Variants in PFKP observed in about 807,000 individuals in gnomAD.
PFKP encodes the protein ATP-dependent 6-phosphofructokinase, platelet type.
Under a neutral mutation model 94.3 loss-of-function variants are expected in PFKP, and 101 were observed. That is an observed-to-expected ratio of 1.07 (90% CI 0.91 to 1.26). PFKP has a LOEUF of 1.26. Among genes scored for constraint, PFKP ranks in the 50% most tolerant of loss-of-function variants. The pLI, the probability that PFKP is intolerant of heterozygous loss-of-function variation, is 0.00. For missense variants in PFKP, 1,145 were observed against 1,103.3 expected (o/e 1.04, Z -0.53); for synonymous variants, 573 against 432.6 (o/e 1.32, Z -4.03).
rs552230593 is a variant in PFKP at position 3,130,385 on chromosome 10, A to T, written c.1848+402A>T. On this transcript the variant is annotated intron_variant, in intron 17 of 21. Transcript: ENST00000381125. Reference sequence around the variant, plus strand: ...TGATGCTGCGTCTGCCTCTAAACGGACACAGACATGACCGTGGTTTCTCGG... The same window carrying T: ...TGATGCTGCGTCTGCCTCTAAACGGTCACAGACATGACCGTGGTTTCTCGG... 2.0e-5 allele frequency among the ~76,000 whole-genome samples: 3 copies of T among 152,208 alleles called. No individual in the cohort carries two copies. The South Asian group carries it at 6.2e-4, about 32-fold the overall frequency.
At chr10:3,130,058 A>G in intron 17 of PFKP, 75 bp downstream of exon 17, 4 of 1,397,432 alleles carry the variant, frequency 2.9e-6, no homozygotes, top group Middle Eastern at 3.7e-4. Context: ...CATCGTGTCT[A>G]GGGTGGTTTG....
intron 2 of PFKP, among the ~76,000 whole-genome samples, chr10:3,083,182 G>A (rs1833222517): frequency 6.6e-6 from 1 of 152,170 alleles, no homozygotes; most frequent in South Asian, 2.1e-4. Flanking sequence ...TACACATTTA[G>A]GGAAATGAGG....
At chr10:3,085,030 ACGGTCCCC>A (rs1833417420) in intron 2 of PFKP, among the ~76,000 whole-genome samples, 1 of 250 alleles carries the variant, frequency 4.0e-3, no homozygotes, top group East Asian at 0.045. Context: ...CCTCCCCAGC[ACGGTCCCC>A]CACTCCCTCC....
chr10:3,079,568 CTA>C (rs1832867559), intron 1 of PFKP, among the ~76,000 whole-genome samples: 1 of 149,656 alleles, frequency 6.7e-6, no homozygotes, highest in South Asian at 2.1e-4. Flanking sequence ...ATTCCTTCTT[CTA>C]TGTCTTTCCA....
chr10:3,104,890 C>T, intron 5 of PFKP: 1 of 614,486 alleles, frequency 1.6e-6, no homozygotes, highest in Non-Finnish European at 2.9e-6. Flanking sequence ...GCAGAGGTGG[C>T]TCAAGTCCCC....
rs1202100698 is a variant in PFKP at position 3,102,234 on chromosome 10, G to C, written c.454+680G>C. ...CCACTGCACTCCAGCCTGGGCGACA[G>C]AGCGAGACTCTGTCTCAAAAAAAAA... On this transcript the variant is annotated intron_variant, in intron 4 of 21. Coordinates refer to ENST00000381125, the MANE Select transcript of PFKP (RefSeq NM_002627.5). Among the ~76,000 whole-genome samples, 5 of 92,758 alleles carry C rather than the reference G, an allele frequency of 5.4e-5. No individual in the cohort carries two copies. The Admixed American group carries it at 6.1e-4, about 11-fold the overall frequency. 60.9% of individuals were successfully genotyped at this position (92,758 alleles called of 152,430 possible).
chr10:3,081,429 G>A (rs1382035254), intron 1 of PFKP, among the ~76,000 whole-genome samples: 2 of 152,246 alleles, frequency 1.3e-5, no homozygotes, highest in Admixed American at 6.5e-5. Context: ...TCTGACAGCT[G>A]TTTCTGAAAC....
intron 3 of PFKP, among the ~76,000 whole-genome samples, chr10:3,099,722 A>G (rs1255136814): frequency 2.0e-5 from 3 of 152,152 alleles, no homozygotes; most frequent in Non-Finnish European, 4.4e-5. Context: ...AACGTTTGCA[A>G]AACATCAGGA....
At chr10:3,107,507 G>A (rs1444086968) in intron 8 of PFKP, among the ~76,000 whole-genome samples, 198 bp downstream of exon 8, 6 of 152,238 alleles carry the variant, frequency 3.9e-5, no homozygotes, top group Non-Finnish European at 7.3e-5. Context: ...TTCCGCTTAC[G>A]TCACCTCTTG....
intron 2 of PFKP, among the ~76,000 whole-genome samples, chr10:3,098,233 A>G (rs1834656560): frequency 6.6e-6 from 1 of 152,172 alleles, no homozygotes; most frequent in African/African-American, 2.4e-5. Context: ...ATCTATCATG[A>G]ACTTTTCTAA....
intron 1 of PFKP, among the ~76,000 whole-genome samples, chr10:3,070,629 G>C (rs1832109223): frequency 1.3e-5 from 2 of 152,204 alleles, no homozygotes; most frequent in Non-Finnish European, 2.9e-5. Flanking sequence ...CATTTTGGAA[G>C]TGGGGAGAAA....
At chr10:3,070,052 G>A (rs577076852) in intron 1 of PFKP, among the ~76,000 whole-genome samples, 1 of 152,366 alleles carries the variant, frequency 6.6e-6, no homozygotes, top group South Asian at 2.1e-4. Flanking sequence ...TCTGCAGGTG[G>A]CATCAAATAT....
chr10:3,116,133 A>AATATAT (rs140713081), intron 13 of PFKP, among the ~76,000 whole-genome samples: 27,259 of 150,872 alleles, frequency 0.18, 2,595 homozygotes, highest in Admixed American at 0.21. Context: ...GGTTCTGTCA[A>AATATAT]ATATATATAT....
chr10:3,093,638 C>CTTTTTTTTTTTTTTTTTTTTT (rs765547765), intron 2 of PFKP, among the ~76,000 whole-genome samples: 5 of 94,062 alleles, frequency 5.3e-5, no homozygotes, highest in African/African-American at 2.4e-4. Flanking sequence ...CAAGCATTAT[C>CTTTTTTTTTTTTTTTTTTTTT]TTTTTTTTTT....
At chr10:3,119,764 G>GGT in intron 15 of PFKP, 128 bp from the exon 16 acceptor site, 16 of 657,848 alleles carry the variant, frequency 2.4e-5, no homozygotes, top group South Asian at 9.8e-5. Flanking sequence ...TGATCTCGGA[G>GGT]TGTTTTCGTG....
At position 3,121,803 on chromosome 10, in the gene PFKP, C is replaced by CTTTTCTTTCTTTT. The variant is rs1564339123; in HGVS notation, c.1683+1763_1683+1764insCTTTCTTTTTTTT. Among the ~76,000 whole-genome samples, 4 of 32,624 alleles carry CTTTTCTTTCTTTT rather than the reference C, an allele frequency of 1.2e-4. 2 individuals carry two copies. Among genetic ancestry groups the CTTTTCTTTCTTTT allele is most frequent in the South Asian group, 2.7e-3 (2 of 728 alleles). The allele number at this position is 32,624 out of a possible 152,430, so 21.4% of individuals were successfully genotyped here. A position where few individuals can be genotyped will look rare whatever the true frequency, so the allele number is the denominator to read the frequency against. ...TAGGTTAAACAATTTCTTTTTTTTT[C>CTTTTCTTTCTTTT]TTTTTTTTTTTTTTTTTTTTTTTTT... On this transcript the variant is annotated intron_variant, in intron 16 of 21. Transcript: ENST00000381125.
chr10:3,136,377 C>A, intron 21 of PFKP, 73 bp from the exon 22 acceptor site: 1 of 1,538,394 alleles, frequency 6.5e-7, no homozygotes, highest in Non-Finnish European at 9.0e-7. Context: ...AGACCGCTCG[C>A]TGTGCTGGCC....
chr10:3,131,862 G>GT (rs1319027173), intron 17 of PFKP, among the ~76,000 whole-genome samples: 1 of 151,914 alleles, frequency 6.6e-6, no homozygotes, highest in Admixed American at 6.5e-5. Flanking sequence ...CCTCCCTCTT[G>GT]TAATCCTCCT....
At chr10:3,100,882 AT>A in intron 3 of PFKP, 33 of 1,125,524 alleles carry the variant, frequency 2.9e-5, no homozygotes, top group East Asian at 4.7e-5. Flanking sequence ...AAAAAAAAAA[AT>A]CCCCCTGGCC....
Sources: allele counts gnomAD v4.1 joint callset (sites outside exome capture counted in the v4.1 genomes callset), GRCh38; gene constraint gnomAD v4.1.1; transcripts MANE v1.5; gene names NCBI Gene and HGNC (gene_info 2026-07-23, HGNC 2026-07-21).